Variants in SETBP1 observed in about 807,000 individuals in gnomAD.
SETBP1 encodes the protein SET binding protein 1.
A neutral mutation model predicts 101.0 loss-of-function variants in SETBP1; 9 were observed. The observed-to-expected ratio is 0.09, with a 90% CI of 0.05 to 0.16. The LOEUF (loss-of-function observed/expected upper bound fraction) is 0.16, where lower values mean the gene tolerates loss of function less well. Among genes scored for constraint, SETBP1 ranks in the 10% least tolerant of loss-of-function variants. The probability of loss-of-function intolerance (pLI) is 1.00; values close to 1 mark genes in which losing one functional copy is unlikely to be tolerated. For missense variants in SETBP1, 1,858 were observed against 2,033.8 expected (o/e 0.91, Z 1.66); for synonymous variants, 818 against 788.5 (o/e 1.04, Z -0.63).
intron 4 of SETBP1, among the ~76,000 whole-genome samples, chr18:44,974,143 A>G (rs2071932912): frequency 6.6e-6 from 1 of 152,232 alleles, no homozygotes; most frequent in South Asian, 2.1e-4. Flanking sequence ...TCACATTGTT[A>G]TGAAAGTTTC....
At chr18:44,948,471 G>T (rs1211347834) in intron 3 of SETBP1, among the ~76,000 whole-genome samples, 6 of 139,766 alleles carry the variant, frequency 4.3e-5, no homozygotes, top group Non-Finnish European at 7.8e-5. Context: ...ATGAAAAATA[G>T]AGATAAAATG....
At chr18:44,882,831 G>A (rs1029456314) in intron 3 of SETBP1, among the ~76,000 whole-genome samples, 2 of 152,112 alleles carry the variant, frequency 1.3e-5, no homozygotes, top group South Asian at 2.1e-4. Context: ...GTGTGTGTGC[G>A]TTCACATGTA....
At chr18:44,936,184 C>G (rs2070952005) in intron 3 of SETBP1, among the ~76,000 whole-genome samples, 1 of 152,200 alleles carries the variant, frequency 6.6e-6, no homozygotes, top group Non-Finnish European at 1.5e-5. Context: ...GCCCAGGGCT[C>G]CCAGGACCCC....
At chr18:44,845,348 C>T (rs932839908) in intron 2 of SETBP1, among the ~76,000 whole-genome samples, 1 of 152,176 alleles carries the variant, frequency 6.6e-6, no homozygotes, top group Non-Finnish European at 1.5e-5. Context: ...CCCTTTGGAA[C>T]TGCCTGACTG....
chr18:44,881,391 G>T (rs1327720575), intron 3 of SETBP1, among the ~76,000 whole-genome samples: 1 of 152,158 alleles, frequency 6.6e-6, no homozygotes, highest in South Asian at 2.1e-4. Context: ...ATCTGAGACT[G>T]CAGGCATCTA....
At chr18:44,927,634 CA>C (rs2070734464) in intron 3 of SETBP1, among the ~76,000 whole-genome samples, 1 of 152,126 alleles carries the variant, frequency 6.6e-6, no homozygotes, top group Non-Finnish European at 1.5e-5. Flanking sequence ...TGAGTGTGCC[CA>C]ATCAAAATGT....
chr18:44,917,363 C>T (rs1246867027), intron 3 of SETBP1, among the ~76,000 whole-genome samples: 1 of 152,174 alleles, frequency 6.6e-6, no homozygotes. Flanking sequence ...CAGTTTGGTG[C>T]AGGATATTTG....
chr18:44,995,526 C>CTTTT (rs1354704075), intron 4 of SETBP1, among the ~76,000 whole-genome samples: 8 of 103,998 alleles, frequency 7.7e-5, no homozygotes, highest in African/African-American at 3.3e-4. Context: ...CATGTCCAGG[C>CTTTT]TTTTGTGTGT....
At chr18:44,896,032 G>A (rs2069895017) in intron 3 of SETBP1, among the ~76,000 whole-genome samples, 5 of 152,098 alleles carry the variant, frequency 3.3e-5, no homozygotes, top group Admixed American at 3.3e-4. Context: ...GAAAATGTTG[G>A]AGAGGAATCT....
chr18:44,953,477 C>T, intron 4 of SETBP1, 137 bp downstream of exon 4: 1 of 761,520 alleles, frequency 1.3e-6, no homozygotes, highest in Non-Finnish European at 2.3e-6. Context: ...TCTCCTTGCA[C>T]ATTTGAGTTT....
rs199911075 is a variant in SETBP1, at chr18:44,813,337, C to CT, written c.487-55884dup. 6.0e-3 allele frequency among the ~76,000 whole-genome samples: 909 copies of CT among 151,378 alleles called. 5 individuals are homozygous for CT. The highest frequency in any genetic ancestry group is 0.01 in the Non-Finnish European group (705 of 67,736). On this transcript the variant is annotated intron_variant, in intron 2 of 5. Coordinates refer to ENST00000649279, the MANE Select transcript of SETBP1 (RefSeq NM_015559.3). ...GGCTGTTTCCTGGGAAGTAGAAGGG[C>CT]TTTTTTTTTCCCTTTCCTAAAGGAA...
At chr18:44,843,088 C>A (rs946368926) in intron 2 of SETBP1, among the ~76,000 whole-genome samples, 1 of 152,226 alleles carries the variant, frequency 6.6e-6, no homozygotes, top group East Asian at 1.9e-4. Context: ...TAAGCCAGAC[C>A]TTTTGTAGCC....
chr18:44,985,089 G>A (rs1307199913), intron 4 of SETBP1, among the ~76,000 whole-genome samples: 3 of 152,110 alleles, frequency 2.0e-5, no homozygotes, highest in South Asian at 2.1e-4. Context: ...TGCAGTGAGC[G>A]GAGATCATGC....
intron 2 of SETBP1, among the ~76,000 whole-genome samples, chr18:44,711,160 A>G (rs908676742): frequency 5.3e-5 from 8 of 152,056 alleles, no homozygotes; most frequent in Non-Finnish European, 8.8e-5. Flanking sequence ...ATATTGCAAG[A>G]GGTTTGAACT....
intron 5 of SETBP1, among the ~76,000 whole-genome samples, chr18:45,041,995 A>C (rs1297596571): frequency 6.6e-6 from 1 of 152,116 alleles, no homozygotes; most frequent in African/African-American, 2.4e-5. Context: ...GAGTGGATGC[A>C]AAAATACCTA....
intron 3 of SETBP1, among the ~76,000 whole-genome samples, chr18:44,879,670 G>C (rs2069486042): frequency 6.6e-6 from 1 of 152,164 alleles, no homozygotes. Context: ...GGCTGTTTAT[G>C]ATGCTTGCCA....
intron 2 of SETBP1, among the ~76,000 whole-genome samples, chr18:44,750,800 T>C (rs958927875): frequency 6.6e-6 from 1 of 152,164 alleles, no homozygotes; most frequent in Non-Finnish European, 1.5e-5. Flanking sequence ...ATAAAAAATA[T>C]CAAGTTATGA....
Position 44,950,388 on chromosome 18 carries a change from C to T in SETBP1, c.1048C>T (p.Pro350Ser), listed in dbSNP as rs142034944. 1.9e-6 allele frequency: 3 copies of T among 1,613,956 alleles called. No individual in the cohort carries two copies. The highest frequency in any genetic ancestry group is 2.5e-6 in the Non-Finnish European group (3 of 1,180,040). ...KDVISQTIPN[P>S]DLDWVKNAQK... ...TGTGATAAGTCAGACCATACCAAAC[C>T]CAGACCTGGATTGGGTCAAGAATGC... The change falls in exon 4 of 6, where the codon CCA becomes TCA. Residue 350 changes from proline (P) to serine (S), a missense_variant. This residue lies in a region of SETBP1 where 581 missense variants were observed against 535.1 expected (regional missense o/e 1.09). Transcript: ENST00000649279.
intron 4 of SETBP1, among the ~76,000 whole-genome samples, chr18:44,968,729 G>A (rs1315518248): frequency 2.0e-5 from 3 of 152,212 alleles, no homozygotes; most frequent in Non-Finnish European, 4.4e-5. Flanking sequence ...GTAGGCAACA[G>A]TGAGTTTTTC....
Sources: allele counts gnomAD v4.1 joint callset (sites outside exome capture counted in the v4.1 genomes callset), GRCh38; gene constraint gnomAD v4.1.1; regional missense constraint gnomAD v4.1.1; transcripts MANE v1.5; gene names NCBI Gene and HGNC (gene_info 2026-07-23, HGNC 2026-07-21).